The following ZNF519 variants were observed in gnomAD, a reference collection of about 807,000 sequenced individuals.
ZNF519 encodes similar to Zinc finger protein 85 (Zinc finger protein HPF4) (HTF1).
ZNF519 carries 7 observed loss-of-function variants against 7.4 expected under a neutral mutation model. That is an observed-to-expected ratio of 0.94 (90% CI 0.54 to 1.77). The LOEUF (loss-of-function observed/expected upper bound fraction) is 1.77, where lower values mean the gene tolerates loss of function less well. Among genes scored for constraint, ZNF519 ranks in the 40% most tolerant of loss-of-function variants. The pLI, the probability that ZNF519 is intolerant of heterozygous loss-of-function variation, is 0.00. For synonymous variants in ZNF519, 179 were observed against 203.3 expected (o/e 0.88, Z 1.02); for missense variants, 586 against 623.1 (o/e 0.94, Z 0.63).
intron 3 of ZNF519, among the ~76,000 whole-genome samples, chr18:14,083,106 T>G (rs572367992): frequency 1.3e-5 from 2 of 152,292 alleles, no homozygotes; most frequent in African/African-American, 4.8e-5. Context: ...TCCCAGAACT[T>G]TGAGAGGCTG....
downstream of ZNF519, among the ~76,000 whole-genome samples, chr18:14,096,389 T>G (rs1465055672): frequency 1.3e-5 from 2 of 152,250 alleles, no homozygotes; most frequent in African/African-American, 4.8e-5. Flanking sequence ...TTGATGTTTC[T>G]GCAGGAAGAT....
chr18:14,122,795 T>C (rs2046276187), intron 2 of ZNF519, among the ~76,000 whole-genome samples: 1 of 152,084 alleles, frequency 6.6e-6, no homozygotes, highest in African/African-American at 2.4e-5. Flanking sequence ...TTTTTTTTAT[T>C]ATACTTTAAG....
intron 2 of ZNF519, among the ~76,000 whole-genome samples, chr18:14,115,142 G>A (rs1056493827): frequency 6.6e-6 from 1 of 152,168 alleles, no homozygotes; most frequent in Non-Finnish European, 1.5e-5. Context: ...CCAAAAGCAT[G>A]TAGAAGAGAA....
chr18:14,112,026 G>A (rs1386403657), intron 2 of ZNF519, among the ~76,000 whole-genome samples: 1 of 151,972 alleles, frequency 6.6e-6, no homozygotes. Flanking sequence ...ATACTGGCAA[G>A]TAAAATTCAG....
chr18:14,102,135 T>G lies in ZNF519; in HGVS notation c.*2782A>C, dbSNP rs2046164916. 1 of 155,344 alleles carries G rather than the reference T, an allele frequency of 6.4e-6. No homozygotes were observed. The highest frequency in any genetic ancestry group is 2.4e-5 in the African/African-American group (1 of 41,568). The allele number at this position is 155,344 out of a possible 1,614,324, so 9.6% of individuals were successfully genotyped here. On this transcript the variant is annotated 3_prime_UTR_variant, in exon 3 of 3. Coordinates refer to ENST00000590202, the MANE Select transcript of ZNF519 (RefSeq NM_145287.4). ...ATCATTCATTCATTCATTTATTTAT[T>G]TATTTAGAGATGGAGTCTCACATGT... is the stretch of plus-strand genomic sequence containing the variant.
Position 14,105,232 on chromosome 18 carries a change from T to C in ZNF519, c.1308A>G (p.Glu436=). ...HTGEKHFKCK[E]CGKAFNRGSH... ...AGCCCCTGTTAAAGGCTTTGCCACA[T>C]TCTTTACATTTGAAGTGTTTCTCTC... The change falls in exon 3 of 3, where the codon GAA becomes GAG. Residue 436 remains glutamate (E), a synonymous_variant. Coordinates refer to ENST00000590202, the MANE Select transcript of ZNF519 (RefSeq NM_145287.4). The C allele has an allele frequency of 6.4e-7, 1 of 1,571,678 alleles. No homozygotes were observed. Among genetic ancestry groups the C allele is most frequent in the Admixed American group, 1.7e-5 (1 of 58,702 alleles).
rs560927345 is a variant in ZNF519, at chr18:14,118,329, A to T, written c.130+6021T>A. Reference sequence around the variant, plus strand: ...TGCCTCGGCCTACCAAAGTGCTGGGATTACAGGGGTGAGCCACTGCGCCTG... The same window carrying T: ...TGCCTCGGCCTACCAAAGTGCTGGGTTTACAGGGGTGAGCCACTGCGCCTG... On this transcript the variant is annotated intron_variant, in intron 2 of 2. Transcript: ENST00000590202. Among the ~76,000 whole-genome samples, 5 of 152,282 alleles carry T rather than the reference A, an allele frequency of 3.3e-5. No individual in the cohort carries two copies. The East Asian group carries it at 9.6e-4, about 29-fold the overall frequency.
downstream of ZNF519, chr18:14,071,648 C>G (rs541600505): frequency 6.6e-6 from 1 of 152,208 alleles, no homozygotes; most frequent in East Asian, 1.9e-4. Context: ...CAATGCTGGT[C>G]CTGAGAATCT....
chr18:14,113,877 C>T (rs1231812877), intron 2 of ZNF519, among the ~76,000 whole-genome samples: 2 of 152,044 alleles, frequency 1.3e-5, no homozygotes, highest in African/African-American at 4.8e-5. Context: ...TTTTGATTTG[C>T]ATTTCTCTGA....
At chr18:14,118,424 T>G (rs916376254) in intron 2 of ZNF519, among the ~76,000 whole-genome samples, 3 of 152,202 alleles carry the variant, frequency 2.0e-5, no homozygotes, top group South Asian at 2.1e-4. Context: ...AATAAATCTT[T>G]AAGCCATTAT....
In ZNF519 at chr18:14,116,212, G is replaced by C. The variant is rs9964070; in HGVS notation, c.130+8138C>G. On this transcript the variant is annotated intron_variant, in intron 2 of 2. Coordinates refer to ENST00000590202, the MANE Select transcript of ZNF519 (RefSeq NM_145287.4). ...TTAAGATACTCTTCTTTAAGTGTCA[G>C]GAGATTTAATATTGTTAAATGACAA... Among the ~76,000 whole-genome samples, 1,172 of 152,226 alleles carry C rather than the reference G, an allele frequency of 7.7e-3. 18 individuals are homozygous for C. The highest frequency in any genetic ancestry group is 0.026 in the African/African-American group (1,070 of 41,510).
chr18:14,092,868 A>T (rs2046120019), intron 2 of ZNF519, among the ~76,000 whole-genome samples: 1 of 152,168 alleles, frequency 6.6e-6, no homozygotes, highest in African/African-American at 2.4e-5. Flanking sequence ...CCTACATTTA[A>T]AGATTTAAAC....
At chr18:14,095,043 G>A (rs551651901), downstream of ZNF519, among the ~76,000 whole-genome samples, 49 of 152,284 alleles carry the variant, frequency 3.2e-4, no homozygotes, top group African/African-American at 1.2e-3. Context: ...TCAGTCCCTG[G>A]TGCCTTGTCC....
intron 3 of ZNF519, among the ~76,000 whole-genome samples, chr18:14,083,144 G>A (rs1057402011): frequency 6.6e-5 from 10 of 152,190 alleles, no homozygotes; most frequent in African/African-American, 2.4e-4. Flanking sequence ...GAGGCCAGGA[G>A]TTTAAGACCA....
intron 2 of ZNF519, among the ~76,000 whole-genome samples, chr18:14,108,253 G>A (rs2046204126): frequency 6.6e-6 from 1 of 152,204 alleles, no homozygotes; most frequent in Non-Finnish European, 1.5e-5. Flanking sequence ...GGAAAGGACA[G>A]TCTAAAGCCT....
intron 2 of ZNF519, chr18:14,091,161 T>C: frequency 6.6e-6 from 1 of 152,328 alleles, no homozygotes; most frequent in East Asian, 1.9e-4. Context: ...TTGAACTTTA[T>C]ATTATTTAAT....
intron 2 of ZNF519, among the ~76,000 whole-genome samples, chr18:14,111,046 T>C: frequency 6.6e-6 from 1 of 151,304 alleles, no homozygotes; most frequent in Non-Finnish European, 1.5e-5. Flanking sequence ...TGAAAAAACC[T>C]AATGATGTAT....
chr18:14,125,064 A>G (rs1203107461), intron 1 of ZNF519, among the ~76,000 whole-genome samples: 1 of 152,188 alleles, frequency 6.6e-6, no homozygotes, highest in African/African-American at 2.4e-5. Context: ...TTCTTATAAC[A>G]AGTCTCCTGT....
chr18:14,091,870 C>G (rs1295113535), intron 2 of ZNF519, among the ~76,000 whole-genome samples: 1 of 151,924 alleles, frequency 6.6e-6, no homozygotes, highest in Non-Finnish European at 1.5e-5. Flanking sequence ...CGACAATAGC[C>G]CAGAAGTGGG....
Sources: allele counts gnomAD v4.1 joint callset (sites outside exome capture counted in the v4.1 genomes callset), GRCh38; gene constraint gnomAD v4.1.1; transcripts MANE v1.5; gene names NCBI Gene and HGNC (gene_info 2026-07-23, HGNC 2026-07-21).